The following PIK3R2 variants were observed in gnomAD, a reference collection of about 807,000 sequenced individuals.
The protein encoded by PIK3R2 is phosphoinositide-3-kinase regulatory subunit 2, also known as phosphatidylinositol 3-kinase regulatory subunit beta.
Under a neutral mutation model 78.5 loss-of-function variants are expected in PIK3R2, and 40 were observed. That is an observed-to-expected ratio of 0.51 (90% CI 0.40 to 0.66). The LOEUF (loss-of-function observed/expected upper bound fraction) is 0.66. Among genes scored for constraint, PIK3R2 ranks in the 30% least tolerant of loss-of-function variants. The pLI, the probability that PIK3R2 is intolerant of heterozygous loss-of-function variation, is 0.00. For synonymous variants in PIK3R2, 473 were observed against 457.7 expected (o/e 1.03, Z -0.43); for missense variants, 880 against 1,026.6 (o/e 0.86, Z 1.95).
chr19:18,155,926 G>A lies in PIK3R2; in HGVS notation c.47G>A (p.Arg16His), dbSNP rs1215895377. The A allele has an allele frequency of 8.9e-6, 14 of 1,567,320 alleles. No homozygotes were observed. The highest frequency in any genetic ancestry group is 7.0e-5 in the South Asian group (6 of 85,588). ...GFQYRALYPF[R>H]RERPEDLELL... ...CAGTACCGCGCTCTGTACCCGTTCC[G>A]CCGGGAGCGGCCGGAGGACCTGGAG... The change falls in exon 2 of 16, where the codon CGC becomes CAC. Residue 16 changes from arginine to histidine, a missense_variant. Physicochemically the swap from Arg to His is conservative, Grantham distance 29. Around this residue, in one of 3 missense-constraint regions of PIK3R2, gnomAD observed 456 missense variants for 486.6 expected, o/e 0.94. Transcript: ENST00000222254.
At position 18,163,311 on chromosome 19, in the gene PIK3R2, A is replaced by G; in HGVS notation, c.1339A>G (p.Lys447Glu). Residue 447 changes from lysine to glutamate, a missense_variant, in exon 11 of 16, where the codon AAG becomes GAG. By Grantham distance (56) the Lys-to-Glu change is moderately conservative (BLOSUM62 1). Around this residue, in one of 3 missense-constraint regions of PIK3R2, gnomAD observed 156 missense variants for 241.0 expected, o/e 0.65. Transcript: ENST00000222254. ...DSVEAVGAQL[K>E]VYHQQYQDKS... is the part of the protein sequence containing the mutation. The stretch of plus-strand genomic sequence containing the variant: ...CGTGGAGGCAGTGGGCGCCCAGCTT[A>G]AGGTCTATCACCAGCAGTACCAGGA... 1.9e-6 allele frequency: 3 copies of G among 1,614,042 alleles called. No individual in the cohort carries two copies. Among genetic ancestry groups the G allele is most frequent in the Non-Finnish European group, 2.5e-6 (3 of 1,179,992 alleles).
chr19:18,154,305 G>T (rs1197161691), intron 1 of PIK3R2, among the ~76,000 whole-genome samples: 2 of 151,982 alleles, frequency 1.3e-5, no homozygotes, highest in African/African-American at 4.8e-5. Context: ...CCTGCTGCCG[G>T]CAGCCTCCCC....
In PIK3R2 at chr19:18,169,948, C is replaced by G. The variant is rs1967146642; in HGVS notation, c.*654C>G. On this transcript the variant is annotated 3_prime_UTR_variant, in exon 16 of 16. Transcript: ENST00000222254. ...CGCAGGCCAGGCACGGTGGCTCATG[C>G]CTGTAATCCCAGCACTTTGGGAGGC... is the stretch of plus-strand genomic sequence containing the variant. The G allele has an allele frequency of 5.5e-6, 1 of 183,432 alleles. No individual in the cohort carries two copies. The highest frequency in any genetic ancestry group is 1.2e-5 in the Non-Finnish European group (1 of 86,240). 11.4% of individuals were successfully genotyped at this position (183,432 alleles called of 1,614,324 possible). A position where few individuals can be genotyped will look rare whatever the true frequency, so the allele number is the denominator to read the frequency against.
intron 3 of PIK3R2, 72 bp from the exon 4 acceptor site, chr19:18,160,847 A>G (rs961022299): frequency 2.7e-5 from 41 of 1,520,170 alleles, no homozygotes; most frequent in Non-Finnish European, 4.5e-6. Flanking sequence ...AGGGGGGTTG[A>G]GCGGCCAGTC....
chr19:18,164,442 G>A (rs112126607), intron 11 of PIK3R2, among the ~76,000 whole-genome samples: 2 of 152,134 alleles, frequency 1.3e-5, no homozygotes, highest in African/African-American at 2.4e-5. Flanking sequence ...AGGAGTTCAA[G>A]ACTAGCCTGG....
In PIK3R2 at chr19:18,156,862, C is replaced by T. The variant is rs775056928; in HGVS notation, c.322+661C>T. Among the ~76,000 whole-genome samples, 3 of 152,136 alleles carry T rather than the reference C, an allele frequency of 2.0e-5. No homozygotes were observed. The highest frequency in any genetic ancestry group is 3.4e-3 in the Middle Eastern group (1 of 294). On this transcript the variant is annotated intron_variant, in intron 2 of 15. Coordinates refer to ENST00000222254, the MANE Select transcript of PIK3R2 (RefSeq NM_005027.4). The surrounding 1 kb of genome is among the most constrained non-coding windows in gnomAD (Gnocchi z 4.2). ...GCCAGGTGTAGAGAATCGGGGGCAC[C>T]GAGCCCACTCAGTGACTGCTGTTTG...
At position 18,168,744 on chromosome 19, in the gene PIK3R2, G is replaced by GA. The variant is rs1291202967; in HGVS notation, c.1827_1828insA (p.Asp610ArgfsTer201). 1 of 1,613,228 alleles carries GA rather than the reference G, an allele frequency of 6.2e-7. No individual in the cohort carries two copies. Among genetic ancestry groups the GA allele is most frequent in the Non-Finnish European group, 8.5e-7 (1 of 1,179,668 alleles). ...ACCCCAGCCAGTACGCACTCATGGAGGACGAGGACGATCTCCCGCACCACG... is the reference window on the plus strand; with the variant it reads ...ACCCCAGCCAGTACGCACTCATGGAGAGACGAGGACGATCTCCCGCACCACG... On this transcript the variant is annotated frameshift_variant, in exon 15 of 16. Transcript: ENST00000222254. LOFTEE classifies it high-confidence loss of function. This position sits in a 1 kb window ranked among gnomAD's most constrained non-coding sequence, Gnocchi z 4.1.
Position 18,154,677 on chromosome 19 carries a change from G to A in PIK3R2, c.-423-780G>A, listed in dbSNP as rs144505170. Among the ~76,000 whole-genome samples, 246 of 152,146 alleles carry A rather than the reference G, an allele frequency of 1.6e-3. 2 individuals carry two copies. Among genetic ancestry groups the A allele is most frequent in the African/African-American group, 5.6e-3 (233 of 41,500 alleles). On this transcript the variant is annotated intron_variant, in intron 1 of 15. Transcript: ENST00000222254. ...CCCTCATGTCCAACTGGGCCAAGTC[G>A]GCAGATCTAGGTGTAAGTCCTGGCT...
chr19:18,161,463 G>C lies in PIK3R2; in HGVS notation c.783G>C (p.Pro261=). The C allele has an allele frequency of 8.3e-7, 1 of 1,197,960 alleles. No homozygotes were observed. The highest frequency in any genetic ancestry group is 3.3e-4 in the Middle Eastern group (1 of 2,992). 74.2% of individuals were successfully genotyped at this position (1,197,960 alleles called of 1,614,324 possible). ...TGCTGCTGCGCGCGCCGCCGCCGCC[G>C]TCCTCGCCGCCGCCAGGGGGCGCTC... The part of the protein sequence containing the change: ...GPLLLRAPPP[P]SSPPPGGAPD... The change falls in exon 6 of 16, where the codon CCG becomes CCC. Residue 261 remains proline, a synonymous_variant. Coordinates refer to ENST00000222254, the MANE Select transcript of PIK3R2 (RefSeq NM_005027.4). The surrounding 1 kb of genome is among the most constrained non-coding windows in gnomAD (Gnocchi z 5.3).
intron 11 of PIK3R2, 73 bp downstream of exon 11, chr19:18,163,461 A>G: frequency 6.5e-7 from 1 of 1,535,578 alleles, no homozygotes; most frequent in African/African-American, 1.4e-5. Context: ...CAGGATGACC[A>G]ACCCCAGAGG....
At position 18,163,401 on chromosome 19, in the gene PIK3R2, C is replaced by G; in HGVS notation, c.1416+13C>G. On this transcript the variant is annotated intron_variant, in intron 11 of 15. Coordinates refer to ENST00000222254, the MANE Select transcript of PIK3R2 (RefSeq NM_005027.4). Reference sequence around the variant, plus strand: ...ACGGACCTCCCAGGTACTCCAGGCCCCGTACATGAGGGAAACCGAGACATA... The same window carrying G: ...ACGGACCTCCCAGGTACTCCAGGCCGCGTACATGAGGGAAACCGAGACATA... 6.2e-7 allele frequency: 1 copy of G among 1,613,882 alleles called. No homozygotes were observed. Among genetic ancestry groups the G allele is most frequent in the Non-Finnish European group, 8.5e-7 (1 of 1,179,962 alleles).
chr19:18,168,935 C>G lies in PIK3R2; in HGVS notation c.1979+39C>G, dbSNP rs1473944356. ...AGCGGTGGGGATTCCCGCGTCCCTC[C>G]CAGAGCTCTCATTGAATGCCTGCCG... is the stretch of plus-strand genomic sequence containing the variant. On this transcript the variant is annotated intron_variant, in intron 15 of 15. Transcript: ENST00000222254. The surrounding 1 kb of genome is among the most constrained non-coding windows in gnomAD (Gnocchi z 4.1). 1 of 1,591,218 alleles carries G rather than the reference C, an allele frequency of 6.3e-7. No individual in the cohort carries two copies. Among genetic ancestry groups the G allele is most frequent in the Non-Finnish European group, 8.6e-7 (1 of 1,167,388 alleles).
In PIK3R2 at chr19:18,161,311, CCACCG is replaced by C; in HGVS notation, c.632_636del (p.Pro211HisfsTer62). 7.4e-7 allele frequency: 1 copy of C among 1,355,290 alleles called. No homozygotes were observed. Among genetic ancestry groups the C allele is most frequent in the Non-Finnish European group, 9.4e-7 (1 of 1,060,030 alleles). The allele number at this position is 1,355,290 out of a possible 1,614,324, so 84.0% of individuals were successfully genotyped here. A position where few individuals can be genotyped will look rare whatever the true frequency, so the allele number is the denominator to read the frequency against. The stretch of plus-strand genomic sequence containing the variant: ...GGGGCCCGTGGGGCCGGCGCTGGAG[CCACCG>C]ACGCTGCCGCTGCACCGCGCGCTCA... On this transcript the variant is annotated frameshift_variant, in exon 6 of 16. Coordinates refer to ENST00000222254, the MANE Select transcript of PIK3R2 (RefSeq NM_005027.4). LOFTEE classifies it high-confidence loss of function. This position sits in a 1 kb window ranked among gnomAD's most constrained non-coding sequence, Gnocchi z 5.3.
rs2043828499 is a variant in PIK3R2, at chr19:18,168,284, A to C, written c.1737-191A>C. ...TGAGGGGTGTGGGTCAGGGTTCCCC[A>C]GCAGAGCTGGGCGAGCCACCCTGGG... is the stretch of plus-strand genomic sequence containing the variant. On this transcript the variant is annotated intron_variant, in intron 13 of 15. Coordinates refer to ENST00000222254, the MANE Select transcript of PIK3R2 (RefSeq NM_005027.4). This position sits in a 1 kb window ranked among gnomAD's most constrained non-coding sequence, Gnocchi z 4.1. Among the ~76,000 whole-genome samples the C allele has an allele frequency of 6.6e-6, 1 of 152,154 alleles. No individual in the cohort carries two copies. The highest frequency in any genetic ancestry group is 2.4e-5 in the African/African-American group (1 of 41,436).
chr19:18,160,877 G>T, intron 3 of PIK3R2, 42 bp from the exon 4 acceptor site: 2 of 1,582,250 alleles, frequency 1.3e-6, no homozygotes, highest in Non-Finnish European at 1.7e-6. Context: ...CGAGGTCGGG[G>T]CAGCATTTGA....
rs1472471445 is a variant in PIK3R2 at position 18,161,213 on chromosome 19, G to A, written c.598+28G>A. 3 of 1,534,650 alleles carry A rather than the reference G, an allele frequency of 2.0e-6. No individual in the cohort carries two copies. Among genetic ancestry groups the A allele is most frequent in the Non-Finnish European group, 2.6e-6 (3 of 1,141,732 alleles). On this transcript the variant is annotated intron_variant, in intron 5 of 15. Coordinates refer to ENST00000222254, the MANE Select transcript of PIK3R2 (RefSeq NM_005027.4). The surrounding 1 kb of genome is among the most constrained non-coding windows in gnomAD (Gnocchi z 5.3). Reference sequence around the variant, plus strand: ...GAGCCTGGCGGGTAGCCCGGGGGAAGGAGGGGGCTGTAGCGGGTGGGAGGG... The same window carrying A: ...GAGCCTGGCGGGTAGCCCGGGGGAAAGAGGGGGCTGTAGCGGGTGGGAGGG...
At position 18,161,149 on chromosome 19, in the gene PIK3R2, C is replaced by T. The variant is rs1244951231; in HGVS notation, c.562C>T (p.Pro188Ser). ...LLALPAPLVTPEASAEARRAL... is the reference protein window; with the variant it reads ...LLALPAPLVTSEASAEARRAL... ...GGCACTGCCCGCGCCGCTCGTGACC[C>T]CCGAGGCCTCGGCCGAGGCGCGCCG... Residue 188 changes from proline (P) to serine (S), a missense_variant, in exon 5 of 16, where the codon CCC becomes TCC. This residue lies in a region of PIK3R2 where 456 missense variants were observed against 486.6 expected (regional missense o/e 0.94). Coordinates refer to ENST00000222254, the MANE Select transcript of PIK3R2 (RefSeq NM_005027.4). This position sits in a 1 kb window ranked among gnomAD's most constrained non-coding sequence, Gnocchi z 5.3. 1 of 1,551,978 alleles carries T rather than the reference C, an allele frequency of 6.4e-7. No homozygotes were observed.
chr19:18,159,940 A>G (rs887933825), intron 2 of PIK3R2, among the ~76,000 whole-genome samples: 2 of 152,136 alleles, frequency 1.3e-5, no homozygotes, highest in Admixed American at 6.5e-5. Context: ...CAGGTTCGCC[A>G]TGTTGGTCAG....
chr19:18,158,510 C>A (rs117824229), intron 2 of PIK3R2, among the ~76,000 whole-genome samples: 52,666 of 144,502 alleles, frequency 0.36, 10,103 homozygotes, highest in South Asian at 0.54. Flanking sequence ...ACAACAACAA[C>A]AACAACAAAA....
Sources: allele counts gnomAD v4.1 joint callset (sites outside exome capture counted in the v4.1 genomes callset), GRCh38; gene constraint gnomAD v4.1.1; regional missense constraint gnomAD v4.1.1; non-coding constraint Gnocchi (gnomAD v3.1); transcripts MANE v1.5; gene names NCBI Gene and HGNC (gene_info 2026-07-23, HGNC 2026-07-21).